OSBPL3: variants seen among roughly 807,000 people sequenced by gnomAD.
OSBPL3 encodes the protein oxysterol binding protein like 3.
OSBPL3 carries 65 observed loss-of-function variants against 120.1 expected under a neutral mutation model. The ratio of observed to expected loss-of-function variants is 0.54; its 90% CI spans 0.44 to 0.67. The LOEUF is 0.67. Ranked by LOEUF, OSBPL3 falls within the 30% of genes least tolerant of loss-of-function variation. The pLI is 0.00. For missense variants in OSBPL3, 1,004 were observed against 1,082.1 expected, an observed-to-expected ratio of 0.93 and a Z score of 1.01; for synonymous variants, 416 against 402.6, an observed-to-expected ratio of 1.03 and a Z score of -0.40.
At chr7:24,903,175 A>G (rs1379196125) in intron 1 of OSBPL3, among the ~76,000 whole-genome samples, 1 of 152,302 alleles carries the variant, frequency 6.6e-6, no homozygotes, top group East Asian at 1.9e-4. Context: ...GATGCCTTCC[A>G]TTTCATCTTC....
intron 1 of OSBPL3, among the ~76,000 whole-genome samples, chr7:24,917,007 G>C (rs1809659190): frequency 2.6e-5 from 4 of 152,004 alleles, no homozygotes; most frequent in Admixed American, 2.6e-4. Context: ...TGGGTAGAGA[G>C]AGGGAAGGAA....
At chr7:24,925,437 C>G (rs1810931543) in intron 1 of OSBPL3, among the ~76,000 whole-genome samples, 1 of 152,222 alleles carries the variant, frequency 6.6e-6, no homozygotes, top group Non-Finnish European at 1.5e-5. Flanking sequence ...AGACCCAATA[C>G]AGTTTCCCCA....
intron 1 of OSBPL3, among the ~76,000 whole-genome samples, chr7:24,944,076 TAAAAAAAAA>T (rs70942898): frequency 8.4e-6 from 1 of 118,696 alleles, no homozygotes. Context: ...CAGTCTAAAG[TAAAAAAAAA>T]AAAAAAAAAA....
At position 24,898,782 on chromosome 7, in the gene OSBPL3, C is replaced by T. The variant is rs1470051216; in HGVS notation, c.-149-6161G>A. 6.6e-6 allele frequency among the ~76,000 whole-genome samples: 1 copy of T among 152,156 alleles called. No homozygotes were observed. On this transcript the variant is annotated intron_variant, in intron 1 of 22. Coordinates refer to ENST00000313367, the MANE Select transcript of OSBPL3 (RefSeq NM_015550.4). This position sits in a 1 kb window ranked among gnomAD's most constrained non-coding sequence, Gnocchi z 4.3. ...TCATTAGAATCATGGAGCCTAATAA[C>T]GAATTCTAGCCCAACCTCCGGCTTA...
intron 13 of OSBPL3, among the ~76,000 whole-genome samples, chr7:24,841,694 C>CAAA (rs67988881): frequency 8.2e-5 from 1 of 12,154 alleles, no homozygotes; most frequent in African/African-American, 2.1e-4. Flanking sequence ...GACTATGTCT[C>CAAA]AAAAAAAAAA....
rs1435496962 is a variant in OSBPL3, at chr7:24,799,174, A to G, written c.*1009T>C. The G allele has an allele frequency of 1.3e-5, 2 of 152,692 alleles. No individual in the cohort carries two copies. Among genetic ancestry groups the G allele is most frequent in the East Asian group, 1.9e-4 (1 of 5,208 alleles). The allele number at this position is 152,692 out of a possible 1,614,324, so 9.5% of individuals were successfully genotyped here. A position where few individuals can be genotyped will look rare whatever the true frequency, so the allele number is the denominator to read the frequency against. ...AAGATCTAAAATATGGTGCTTATTA[A>G]GAGGTAGAAAATACTAAAACAGCAT... is the stretch of plus-strand genomic sequence containing the variant. On this transcript the variant is annotated 3_prime_UTR_variant, in exon 23 of 23. Coordinates refer to ENST00000313367, the MANE Select transcript of OSBPL3 (RefSeq NM_015550.4). The surrounding 1 kb of genome is among the most constrained non-coding windows in gnomAD (Gnocchi z 5.3).
At chr7:24,844,616 T>C (rs1168040796) in intron 12 of OSBPL3, among the ~76,000 whole-genome samples, 1 of 152,238 alleles carries the variant, frequency 6.6e-6, no homozygotes, top group Non-Finnish European at 1.5e-5. Flanking sequence ...TTCATATCTC[T>C]ATGTATGTAA....
chr7:24,863,327 T>G lies in OSBPL3; in HGVS notation c.778-35A>C. 6.4e-7 allele frequency: 1 copy of G among 1,568,022 alleles called. No homozygotes were observed. The highest frequency in any genetic ancestry group is 8.8e-7 in the Non-Finnish European group (1 of 1,137,980). The stretch of plus-strand genomic sequence containing the variant: ...AAAACAGGAAAGAGAGCACAGACAG[T>G]AAAGTCCACCAAACCGACAAGGATA... On this transcript the variant is annotated intron_variant, in intron 8 of 22. Transcript: ENST00000313367. This position sits in a 1 kb window ranked among gnomAD's most constrained non-coding sequence, Gnocchi z 5.8.
At chr7:24,927,227 A>G (rs114) in intron 1 of OSBPL3, among the ~76,000 whole-genome samples, 81,248 of 152,040 alleles carry the variant, frequency 0.53, 22,589 homozygotes, top group African/African-American at 0.68. Context: ...CAGCAGGGGA[A>G]TTGACAAAAA....
Position 24,867,176 on chromosome 7 carries a change from G to A in OSBPL3, c.382-939C>T, listed in dbSNP as rs1321732912. ...AATAAACTGAAATTTACATTTATCTGTCTCTTAAAGCATTTCCAAGTTCTC... is the reference window on the plus strand; with the variant it reads ...AATAAACTGAAATTTACATTTATCTATCTCTTAAAGCATTTCCAAGTTCTC... On this transcript the variant is annotated intron_variant, in intron 5 of 22. Coordinates refer to ENST00000313367, the MANE Select transcript of OSBPL3 (RefSeq NM_015550.4). The surrounding 1 kb of genome is among the most constrained non-coding windows in gnomAD (Gnocchi z 4.5). Among the ~76,000 whole-genome samples, 1 of 152,224 alleles carries A rather than the reference G, an allele frequency of 6.6e-6. No homozygotes were observed. The highest frequency in any genetic ancestry group is 2.4e-5 in the African/African-American group (1 of 41,464).
intron 5 of OSBPL3, among the ~76,000 whole-genome samples, chr7:24,870,448 G>A (rs916788163): frequency 1.3e-5 from 2 of 152,182 alleles, no homozygotes; most frequent in African/African-American, 4.8e-5. Flanking sequence ...CCTGGGTGGA[G>A]ATGGTTTGGA....
rs564195352 is a variant in OSBPL3 at position 24,935,882 on chromosome 7, CT to C, written c.-149-43262del. Among the ~76,000 whole-genome samples, 40 of 148,694 alleles carry C rather than the reference CT, an allele frequency of 2.7e-4. No individual in the cohort carries two copies. In the East Asian group the frequency reaches 3.4e-3, roughly 12 times the overall value. On this transcript the variant is annotated intron_variant, in intron 1 of 22. Coordinates refer to ENST00000313367, the MANE Select transcript of OSBPL3 (RefSeq NM_015550.4). ...TTCTGTATATTCTCGAAGAAGGAAT[CT>C]TTTTTTTTTATTATTATACTTTAAG...
Position 24,804,561 on chromosome 7 carries a change from G to C in OSBPL3, c.2445-124C>G, listed in dbSNP as rs940148083. On this transcript the variant is annotated intron_variant, in intron 21 of 22. Coordinates refer to ENST00000313367, the MANE Select transcript of OSBPL3 (RefSeq NM_015550.4). This position sits in a 1 kb window ranked among gnomAD's most constrained non-coding sequence, Gnocchi z 5.4. The stretch of plus-strand genomic sequence containing the variant: ...AATCCTCTCCTATACGTAAGACCCC[G>C]CCCCAACCGTTTAATCCGTATCTTG... 9 of 799,156 alleles carry C rather than the reference G, an allele frequency of 1.1e-5. No homozygotes were observed. Among genetic ancestry groups the C allele is most frequent in the Non-Finnish European group, 1.8e-5 (9 of 509,558 alleles). The allele number at this position is 799,156 out of a possible 1,614,324, so 49.5% of individuals were successfully genotyped here. A position where few individuals can be genotyped will look rare whatever the true frequency, so the allele number is the denominator to read the frequency against.
intron 1 of OSBPL3, among the ~76,000 whole-genome samples, chr7:24,942,629 A>C (rs1000071546): frequency 6.6e-6 from 1 of 152,182 alleles, no homozygotes; most frequent in Non-Finnish European, 1.5e-5. Flanking sequence ...TCTTCCTGTT[A>C]GGTGCAAGCC....
At position 24,966,943 on chromosome 7, in the gene OSBPL3, GAAAATATATGA is replaced by G. The variant is rs775921537; in HGVS notation, c.-150+12932_-150+12942del. 2.2e-4 allele frequency among the ~76,000 whole-genome samples: 34 copies of G among 151,974 alleles called. No individual in the cohort carries two copies. The highest frequency in any genetic ancestry group is 4.4e-4 in the Non-Finnish European group (30 of 68,000). ...CTTATTCCCCATTCACAGTCTTCTGGAAAATATATGAAAAACATCCCCTAAGTGACTAATAC... is the reference window on the plus strand; with the variant it reads ...CTTATTCCCCATTCACAGTCTTCTGGAAAACATCCCCTAAGTGACTAATAC... On this transcript the variant is annotated intron_variant, in intron 1 of 22. Coordinates refer to ENST00000313367, the MANE Select transcript of OSBPL3 (RefSeq NM_015550.4). This position sits in a 1 kb window ranked among gnomAD's most constrained non-coding sequence, Gnocchi z 4.8.
At chr7:24,876,152 AT>A (rs1802809526) in intron 2 of OSBPL3, among the ~76,000 whole-genome samples, 7 of 152,226 alleles carry the variant, frequency 4.6e-5, no homozygotes, top group African/African-American at 1.4e-4. Flanking sequence ...ATGGGGCCTC[AT>A]TGTGTCCTGT....
rs1798923104 is a variant in OSBPL3, at chr7:24,849,872, T to G, written c.1159-696A>C. 6.6e-6 allele frequency among the ~76,000 whole-genome samples: 1 copy of G among 151,814 alleles called. No homozygotes were observed. The highest frequency in any genetic ancestry group is 2.4e-5 in the African/African-American group (1 of 41,318). On this transcript the variant is annotated intron_variant, in intron 11 of 22. Coordinates refer to ENST00000313367, the MANE Select transcript of OSBPL3 (RefSeq NM_015550.4). The surrounding 1 kb of genome is among the most constrained non-coding windows in gnomAD (Gnocchi z 5.4). ...TGGGAGGCTGAGGTGGGAGAATTGC[T>G]TGAACCTGGGAGGCTGACAGATGTT...
chr7:24,980,695 C>T (rs902453899), upstream of OSBPL3, among the ~76,000 whole-genome samples: 3 of 151,774 alleles, frequency 2.0e-5, no homozygotes, highest in African/African-American at 7.3e-5. Context: ...GGAGGCAGCA[C>T]TCTAGGCACG....
chr7:24,931,226 A>C (rs1811753424), intron 1 of OSBPL3, among the ~76,000 whole-genome samples: 1 of 152,244 alleles, frequency 6.6e-6, no homozygotes, highest in African/African-American at 2.4e-5. Context: ...AATTTGGAAA[A>C]AAATTCAGAA....
Sources: gnomAD v4.1 joint callset for allele counts (sites outside exome capture counted in the v4.1 genomes callset) on GRCh38, gnomAD v4.1.1 for gene constraint, Gnocchi (gnomAD v3.1) non-coding constraint, MANE v1.5 for transcripts, NCBI Gene and HGNC (gene_info 2026-07-23, HGNC 2026-07-21) for gene names.